The following EFNA5 variants were observed in gnomAD, a reference collection of about 807,000 sequenced individuals.
EFNA5 encodes the protein ephrin-A5.
EFNA5 carries 5 observed loss-of-function variants against 22.9 expected under a neutral mutation model. The ratio of observed to expected loss-of-function variants is 0.22; its 90% CI spans 0.11 to 0.46. The LOEUF (loss-of-function observed/expected upper bound fraction) is 0.46, where lower values mean the gene tolerates loss of function less well. Among genes scored for constraint, EFNA5 ranks in the 20% least tolerant of loss-of-function variants. EFNA5 has a pLI of 0.99. For synonymous variants in EFNA5, 113 were observed against 112.2 expected (o/e 1.01, Z -0.04); for missense variants, 237 against 293.3 (o/e 0.81, Z 1.40).
At chr5:107,445,539 T>C (rs551908476) in intron 1 of EFNA5, among the ~76,000 whole-genome samples, 123 of 152,240 alleles carry the variant, frequency 8.1e-4, no homozygotes, top group Middle Eastern at 3.4e-3. Flanking sequence ...GACTTGACAA[T>C]GGAGAAATCG....
At chr5:107,522,909 A>T (rs992713210) in intron 1 of EFNA5, among the ~76,000 whole-genome samples, 1 of 152,128 alleles carries the variant, frequency 6.6e-6, no homozygotes, top group African/African-American at 2.4e-5. Flanking sequence ...CCATTCACTA[A>T]ATCATGGGAC....
intron 1 of EFNA5, among the ~76,000 whole-genome samples, chr5:107,482,692 A>G: frequency 6.6e-6 from 1 of 152,064 alleles, no homozygotes; most frequent in East Asian, 1.9e-4. Flanking sequence ...TATACAGGGT[A>G]TTAGAGAAGG....
intron 1 of EFNA5, among the ~76,000 whole-genome samples, chr5:107,601,254 G>C (rs1749587008): frequency 6.6e-6 from 1 of 152,244 alleles, no homozygotes; most frequent in Admixed American, 6.5e-5. Flanking sequence ...CATTGGCAAA[G>C]AACTCATGAC....
At chr5:107,592,747 T>G (rs164853) in intron 1 of EFNA5, among the ~76,000 whole-genome samples, 21,064 of 152,116 alleles carry the variant, frequency 0.14, 1,741 homozygotes, top group Admixed American at 0.21. Flanking sequence ...TGAGCAGTGC[T>G]TGCAGTGGAG....
At chr5:107,480,328 G>T (rs1317206770) in intron 1 of EFNA5, among the ~76,000 whole-genome samples, 1 of 152,152 alleles carries the variant, frequency 6.6e-6, no homozygotes, top group Non-Finnish European at 1.5e-5. Context: ...AAATTCAACT[G>T]TATTTTGTAT....
At position 107,529,055 on chromosome 5, in the gene EFNA5, T is replaced by TA. The variant is rs141923574; in HGVS notation, c.126-101547dup. ...ACTAATTTCTTACTATGGGTCATTG[T>TA]AAAAAAATAACTGTTTAAGAAACAC... On this transcript the variant is annotated intron_variant, in intron 1 of 4. Coordinates refer to ENST00000333274, the MANE Select transcript of EFNA5 (RefSeq NM_001962.3). Among the ~76,000 whole-genome samples the TA allele has an allele frequency of 7.3e-3, 1,116 of 152,298 alleles. 9 individuals are homozygous for TA. The highest frequency in any genetic ancestry group is 0.013 in the Non-Finnish European group (878 of 68,008).
chr5:107,403,058 G>T (rs1426210011), intron 2 of EFNA5, among the ~76,000 whole-genome samples: 2 of 152,350 alleles, frequency 1.3e-5, no homozygotes, highest in South Asian at 2.1e-4. Context: ...AGGGGGGGAA[G>T]TGCCACAGCT....
At chr5:107,445,012 A>G (rs1213725637) in intron 1 of EFNA5, among the ~76,000 whole-genome samples, 1 of 152,168 alleles carries the variant, frequency 6.6e-6, no homozygotes, top group Non-Finnish European at 1.5e-5. Context: ...ACAAGAGTAT[A>G]AAGATTGCCA....
chr5:107,465,952 C>T (rs951356671), intron 1 of EFNA5, among the ~76,000 whole-genome samples: 1 of 152,068 alleles, frequency 6.6e-6, no homozygotes, highest in Admixed American at 6.6e-5. Context: ...CTACACCCAG[C>T]CACACTGTGA....
At chr5:107,667,357 A>G (rs1013535288) in intron 1 of EFNA5, among the ~76,000 whole-genome samples, 4 of 152,114 alleles carry the variant, frequency 2.6e-5, no homozygotes, top group Admixed American at 6.5e-5. Context: ...ATAGATTGTA[A>G]CAGTAAAACT....
chr5:107,413,068 C>T (rs1748413399), intron 2 of EFNA5, among the ~76,000 whole-genome samples: 1 of 152,160 alleles, frequency 6.6e-6, no homozygotes, highest in African/African-American at 2.4e-5. Flanking sequence ...ACTTATTAAA[C>T]TAGCACTTCA....
chr5:107,426,403 G>A (rs1042265638), intron 2 of EFNA5, among the ~76,000 whole-genome samples: 1 of 152,178 alleles, frequency 6.6e-6, no homozygotes. Context: ...CATACATCCA[G>A]AATTTCAGGC....
intron 1 of EFNA5, among the ~76,000 whole-genome samples, chr5:107,525,839 A>G (rs1304054349): frequency 1.3e-5 from 2 of 152,128 alleles, no homozygotes; most frequent in Non-Finnish European, 2.9e-5. Flanking sequence ...AAAAAAATCC[A>G]TGTGTAAATG....
At chr5:107,397,485 T>C (rs533984428) in intron 2 of EFNA5, among the ~76,000 whole-genome samples, 1 of 151,902 alleles carries the variant, frequency 6.6e-6, no homozygotes, top group African/African-American at 2.4e-5. Context: ...GAGGCGAAGG[T>C]TGCAGTGAGC....
chr5:107,424,380 T>C (rs1748753945), intron 2 of EFNA5, among the ~76,000 whole-genome samples: 1 of 138,410 alleles, frequency 7.2e-6, no homozygotes. Context: ...CTAATTTTTG[T>C]ATTTTTTTTT....
intron 2 of EFNA5, among the ~76,000 whole-genome samples, chr5:107,410,285 C>T (rs746401825): frequency 6.6e-6 from 1 of 152,062 alleles, no homozygotes; most frequent in Non-Finnish European, 1.5e-5. Flanking sequence ...CTGCCTCAGC[C>T]TCCCAATAAG....
intron 1 of EFNA5, among the ~76,000 whole-genome samples, chr5:107,549,023 T>C (rs1255064637): frequency 1.3e-5 from 2 of 152,218 alleles, no homozygotes; most frequent in African/African-American, 2.4e-5. Flanking sequence ...ATTTACCCAA[T>C]AGTTTTTCCA....
intron 1 of EFNA5, among the ~76,000 whole-genome samples, chr5:107,578,889 A>G (rs1748982828): frequency 6.6e-6 from 1 of 152,236 alleles, no homozygotes; most frequent in African/African-American, 2.4e-5. Context: ...AGACCCCAGC[A>G]GTGTTTTAAT....
At chr5:107,649,246 T>TA (rs1430951098) in intron 1 of EFNA5, among the ~76,000 whole-genome samples, 1 of 152,078 alleles carries the variant, frequency 6.6e-6, no homozygotes, top group Non-Finnish European at 1.5e-5. Context: ...TGGTAGAAAA[T>TA]AAAAAACCTG....
Sources: allele counts gnomAD v4.1 joint callset (sites outside exome capture counted in the v4.1 genomes callset), GRCh38; gene constraint gnomAD v4.1.1; transcripts MANE v1.5; gene names NCBI Gene and HGNC (gene_info 2026-07-23, HGNC 2026-07-21).